The following TEDC1 variants were observed in gnomAD, a reference collection of about 807,000 sequenced individuals.
TEDC1 encodes the protein tubulin epsilon and delta complex 1.
A neutral mutation model predicts 59.9 loss-of-function variants in TEDC1; 54 were observed. That is an observed-to-expected ratio of 0.90 (90% CI 0.72 to 1.13). The LOEUF is 1.13. TEDC1 is among the 50% of genes most tolerant of loss of function. The pLI is 0.00. For synonymous variants in TEDC1, 353 were observed against 298.1 expected (o/e 1.18, Z -1.90); for missense variants, 734 against 683.4 (o/e 1.07, Z -0.83).
chr14:105,491,228 C>T, upstream of TEDC1: 1 of 1,541,110 alleles, frequency 6.5e-7, no homozygotes, highest in Non-Finnish European at 8.7e-7. Context: ...GGACCCGGCC[C>T]GTGCCATGAT....
At chr14:105,495,815 C>A in intron 5 of TEDC1, 65 bp from the exon 6 acceptor site, 3 of 1,328,300 alleles carry the variant, frequency 2.3e-6, no homozygotes, top group South Asian at 2.8e-5. Context: ...AGGCCCCGCC[C>A]TCTCCCCGAA....
intron 5 of TEDC1, 31 bp downstream of exon 5, chr14:105,493,964 G>A: frequency 1.2e-6 from 1 of 828,202 alleles, no homozygotes. Context: ...GCGGGGGGGT[G>A]GGGGTGGGCT....
At position 105,497,825 on chromosome 14, in the gene TEDC1, G is replaced by T. The variant is rs868951715; in HGVS notation, c.1006G>T (p.Glu336Ter). The T allele has an allele frequency of 6.4e-7, 1 of 1,573,026 alleles. No individual in the cohort carries two copies. Among genetic ancestry groups the T allele is most frequent in the South Asian group, 1.2e-5 (1 of 85,474 alleles). Residue 336 changes from glutamate (E) to a stop codon, truncating the protein, a stop_gained, in exon 8 of 9, where the codon GAG (glutamate) becomes TAG (stop). Transcript: ENST00000392523. LOFTEE classifies it high-confidence loss of function. ...CACGGTCCTGGGCACCTGTGCCCCGGAGGTGCCTGCTGCAGCCTCACAGCC... is the reference window on the plus strand; with the variant it reads ...CACGGTCCTGGGCACCTGTGCCCCGTAGGTGCCTGCTGCAGCCTCACAGCC... ...MDTVLGTCAP[E>*]VPAAASQPTF...
rs990812720 is a variant in TEDC1, at chr14:105,494,064, C to G, written c.684+131C>G. On this transcript the variant is annotated intron_variant, in intron 5 of 8. Coordinates refer to ENST00000392523, the MANE Select transcript of TEDC1 (RefSeq NM_001367178.1). ...TCCAGCGGTGGGTGTCTCTGCATGT[C>G]TGCCACTGATCATTGCCAGCCTGGG... 14 of 717,198 alleles carry G rather than the reference C, an allele frequency of 2.0e-5. No individual in the cohort carries two copies. In the Admixed American group the frequency reaches 3.2e-4, roughly 16 times the overall value. 44.4% of individuals were successfully genotyped at this position (717,198 alleles called of 1,614,324 possible).
intron 5 of TEDC1, 36 bp downstream of exon 5, chr14:105,493,969 T>C: frequency 1.7e-5 from 3 of 176,206 alleles, no homozygotes; most frequent in Non-Finnish European, 2.0e-5. Flanking sequence ...GGGGTGGGGG[T>C]GGGCTGGGGG....
Position 105,496,015 on chromosome 14 carries a change from C to T in TEDC1, c.820C>T (p.Pro274Ser), listed in dbSNP as rs1555440369. The T allele has an allele frequency of 4.5e-6, 7 of 1,550,206 alleles. No homozygotes were observed. Among genetic ancestry groups the T allele is most frequent in the South Asian group, 3.6e-5 (3 of 84,064 alleles). Reference protein sequence around the residue: ...WLVCEQPGLLPGDWAAPLDPG... With the variant: ...WLVCEQPGLLSGDWAAPLDPG... ...GGTATGTGAGCAGCCAGGTCTGCTGCCGGGTGACTGGGCAGCACCCTTGGA... is the reference window on the plus strand; with the variant it reads ...GGTATGTGAGCAGCCAGGTCTGCTGTCGGGTGACTGGGCAGCACCCTTGGA... The change falls in exon 6 of 9, where the codon CCG becomes TCG. Residue 274 changes from proline to serine, a missense_variant. Coordinates refer to ENST00000392523, the MANE Select transcript of TEDC1 (RefSeq NM_001367178.1).
chr14:105,492,848 G>A (rs1461845909), intron 4 of TEDC1, 114 bp downstream of exon 4: 12 of 1,372,802 alleles, frequency 8.7e-6, no homozygotes, highest in African/African-American at 1.4e-5. Context: ...GGCTGGATGT[G>A]GGCCTTCCTG....
At chr14:105,491,843 C>A in intron 2 of TEDC1, 143 bp downstream of exon 2, 1 of 1,092,218 alleles carries the variant, frequency 9.2e-7, no homozygotes, top group Non-Finnish European at 1.3e-6. Flanking sequence ...AAAACTCCGC[C>A]TTCCCCGGTA....
In TEDC1 at chr14:105,498,861, G is replaced by T; in HGVS notation, c.1403G>T (p.Arg468Leu). The T allele has an allele frequency of 6.2e-7, 1 of 1,611,974 alleles. No individual in the cohort carries two copies. Among genetic ancestry groups the T allele is most frequent in the Non-Finnish European group, 8.5e-7 (1 of 1,179,662 alleles). ...GCCTGCCTGGAGGCGGTGCTACGTC[G>T]ACTACAGGGACAGTGTCGGCAGGAA... ...QEACLEAVLR[R>L]LQGQCRQELA... The change falls in exon 9 of 9, where the codon CGA becomes CTA. Residue 468 changes from arginine to leucine, a missense_variant. Arg to Leu is a moderately radical substitution (Grantham distance 102). Coordinates refer to ENST00000392523, the MANE Select transcript of TEDC1 (RefSeq NM_001367178.1).
rs200060019 is a variant in TEDC1, at chr14:105,497,436, G to A, written c.971G>A (p.Arg324Gln). Residue 324 changes from arginine (R) to glutamine (Q), a missense_variant, in exon 7 of 9, where the codon CGG becomes CAG. Coordinates refer to ENST00000392523, the MANE Select transcript of TEDC1 (RefSeq NM_001367178.1). ...AWRRSELVFW[R>Q]WMDTVLGTCA... is the part of the protein sequence containing the mutation. Reference sequence around the variant, plus strand: ...CGGCGCTCTGAGCTGGTCTTCTGGCGGTGGATGGTGAGGAAGCCCGCGCAT... The same window carrying A: ...CGGCGCTCTGAGCTGGTCTTCTGGCAGTGGATGGTGAGGAAGCCCGCGCAT... The A allele has an allele frequency of 9.5e-5, 147 of 1,547,652 alleles. 2 individuals carry two copies. The East Asian group carries it at 3.0e-3, about 32-fold the overall frequency.
At chr14:105,496,412 C>G (rs933164048) in intron 6 of TEDC1, 1 of 323,368 alleles carries the variant, frequency 3.1e-6, no homozygotes, top group African/African-American at 2.1e-5. Context: ...TGCTCTGCTC[C>G]GCCCCAGAGG....
At chr14:105,490,967 C>A, upstream of TEDC1, 1 of 1,442,618 alleles carries the variant, frequency 6.9e-7, no homozygotes, top group Non-Finnish European at 9.5e-7. Flanking sequence ...CTGCGGTGTT[C>A]TCCATATCAA....
chr14:105,497,338 G>T lies in TEDC1; in HGVS notation c.892-19G>T. On this transcript the variant is annotated intron_variant, in intron 6 of 8. Transcript: ENST00000392523. ...GGGTCCCGTGTGAGGTTCTAGGCCA[G>T]CTGCCGTTTGCCTTCCAGCTGCTGC... 1 of 1,549,110 alleles carries T rather than the reference G, an allele frequency of 6.5e-7. No individual in the cohort carries two copies. Among genetic ancestry groups the T allele is most frequent in the Non-Finnish European group, 8.7e-7 (1 of 1,146,682 alleles).
chr14:105,493,839 AC>A lies in TEDC1; in HGVS notation c.592del (p.Leu198CysfsTer164), dbSNP rs782764432. 5.6e-6 allele frequency: 9 copies of A among 1,606,164 alleles called. No individual in the cohort carries two copies. In the East Asian group the frequency reaches 2.0e-4, roughly 36 times the overall value. The part of the protein sequence containing the change: ...QEQCALLSKI[H>X]LYTRGCHSDQ... ...GGTCTGCACTACCTGTTTTAGATCC[AC>A]CTGTACACACGCGGCTGCCACAGCG... On this transcript the variant is annotated frameshift_variant, in exon 5 of 9. Coordinates refer to ENST00000392523, the MANE Select transcript of TEDC1 (RefSeq NM_001367178.1). LOFTEE classifies it high-confidence loss of function.
At chr14:105,496,152 C>CCCCCCGGGGGGG in intron 6 of TEDC1, 66 bp downstream of exon 6, 1 of 157,702 alleles carries the variant, frequency 6.3e-6, no homozygotes. Context: ...GAGGGGGTGG[C>CCCCCCGGGGGGG]GAGGGGGTGT....
At chr14:105,492,058 G>T in intron 2 of TEDC1, 49 bp from the exon 3 acceptor site, 1 of 1,536,834 alleles carries the variant, frequency 6.5e-7, no homozygotes, top group Non-Finnish European at 8.8e-7. Context: ...TCCAGGTGGT[G>T]TCACCTCCAG....
rs1239855722 is a variant in TEDC1, at chr14:105,491,681, C to T, written c.207C>T (p.Ala69=). ...TCTCGCCACTCCCTGCGGGCAACGC[C>T]TTGGCATCGCTCGCCCTGGGTAAGC... ...RVLSPLPAGN[A]LASLALEVQA... Residue 69 remains alanine (A), a synonymous_variant, in exon 2 of 9, where the codon GCC becomes GCT. Coordinates refer to ENST00000392523, the MANE Select transcript of TEDC1 (RefSeq NM_001367178.1). The T allele has an allele frequency of 1.3e-6, 2 of 1,549,290 alleles. No homozygotes were observed. The highest frequency in any genetic ancestry group is 1.7e-6 in the Non-Finnish European group (2 of 1,146,874).
chr14:105,495,735 C>A, intron 5 of TEDC1, 145 bp from the exon 6 acceptor site: 1 of 695,432 alleles, frequency 1.4e-6, no homozygotes, highest in Non-Finnish European at 2.4e-6. Context: ...GCTGCCCTGG[C>A]CCCAGGCTGC....
chr14:105,490,791 C>T (rs1338733137), upstream of TEDC1: 13 of 567,830 alleles, frequency 2.3e-5, no homozygotes, highest in Middle Eastern at 4.8e-4. Context: ...TGGGGCGAGG[C>T]TCGTCCGCTC....
Sources: gnomAD v4.1 joint callset for allele counts on GRCh38, gnomAD v4.1.1 for gene constraint, MANE v1.5 for transcripts, NCBI Gene and HGNC (gene_info 2026-07-23, HGNC 2026-07-21) for gene names.